CHRNB1: variants seen among roughly 807,000 people sequenced by gnomAD.
The protein encoded by CHRNB1 is cholinergic receptor nicotinic beta 1 subunit, also known as acetylcholine receptor subunit beta.
CHRNB1 carries 47 observed loss-of-function variants against 53.8 expected under a neutral mutation model. The observed-to-expected ratio is 0.87, with a 90% confidence interval of 0.69 to 1.11. The LOEUF is 1.11. Ranked by LOEUF, CHRNB1 falls within the 50% of genes most tolerant of loss-of-function variation. The pLI is 0.00. For missense variants in CHRNB1, 605 were observed against 654.9 expected (o/e 0.92, Z 0.83); for synonymous variants, 259 against 263.5 (o/e 0.98, Z 0.16).
At chr17:7,448,989 C>A (rs1419938168) in intron 7 of CHRNB1, among the ~76,000 whole-genome samples, 1 of 152,128 alleles carries the variant, frequency 6.6e-6, no homozygotes, top group African/African-American at 2.4e-5. Flanking sequence ...GGAGTCCTAG[C>A]CTCTAATCCA....
Position 7,445,132 on chromosome 17 carries a change from C to T in CHRNB1, c.5C>T (p.Thr2Ile), listed in dbSNP as rs567015720. The stretch of plus-strand genomic sequence containing the variant: ...CACTGAGCGAGCCGCCAGGCTATGA[C>T]CCCAGGGGCTCTGCTGATGCTGCTG... The part of the protein sequence containing the change: M[T>I]PGALLMLLGA... Residue 2 changes from threonine to isoleucine, a missense_variant, in exon 1 of 11, where the codon ACC becomes ATC. Thr to Ile is a moderately conservative substitution (Grantham distance 89). Transcript: ENST00000306071. This position sits in a 1 kb window ranked among gnomAD's most constrained non-coding sequence, Gnocchi z 5.7. The T allele has an allele frequency of 3.7e-6, 6 of 1,608,516 alleles. No individual in the cohort carries two copies. The East Asian group carries it at 8.9e-5, about 24-fold the overall frequency.
Position 7,445,768 on chromosome 17 carries a change from T to G in CHRNB1, c.199-301T>G, listed in dbSNP as rs991832054. 3.0e-5 allele frequency: 20 copies of G among 658,558 alleles called. No homozygotes were observed. The highest frequency in any genetic ancestry group is 4.3e-5 in the Non-Finnish European group (17 of 396,946). 40.8% of individuals were successfully genotyped at this position (658,558 alleles called of 1,614,324 possible). ...TCAGGGGTCAATAAATGGCAGCGGG[T>G]GGAGGTTCGGGGCTGGGTGGATTAT... On this transcript the variant is annotated intron_variant, in intron 2 of 10. Transcript: ENST00000306071. The surrounding 1 kb of genome is among the most constrained non-coding windows in gnomAD (Gnocchi z 5.7).
In CHRNB1 at chr17:7,447,556, C is replaced by G. The variant is rs201033437; in HGVS notation, c.516C>G (p.Tyr172Ter). Reference protein sequence around the residue: ...WQNCTMVFSSYSYDSSEVSLQ... With the variant: ...WQNCTMVFSS ...ATTGCACTATGGTGTTCAGCTCCTA[C>G]AGCTACGACAGCTCGGAGGTCAGCC... The change falls in exon 6 of 11, where the codon TAC (tyrosine) becomes TAG (stop). Residue 172 changes from tyrosine to a stop codon, truncating the protein, a stop_gained. Transcript: ENST00000306071. LOFTEE classifies it high-confidence loss of function. 6.1e-5 allele frequency: 99 copies of G among 1,614,102 alleles called. No individual in the cohort carries two copies. The highest frequency in any genetic ancestry group is 8.0e-5 in the Non-Finnish European group (94 of 1,180,060).
In CHRNB1 at chr17:7,447,610, A is replaced by G; in HGVS notation, c.570A>G (p.Gln190=). 6.2e-7 allele frequency: 1 copy of G among 1,614,188 alleles called. No individual in the cohort carries two copies. The change falls in exon 6 of 11, where the codon CAA becomes CAG. Residue 190 remains glutamine, a synonymous_variant. Coordinates refer to ENST00000306071, the MANE Select transcript of CHRNB1 (RefSeq NM_000747.3). ...SLQTGLGPDG[Q]GHQEIHIHEG... is the part of the protein sequence containing the mutation. ...AGACAGGCCTGGGTCCTGACGGGCA[A>G]GGGCATCAGGAAATCCACATTCATG...
rs185103137 is a variant in CHRNB1, at chr17:7,449,153, G to A, written c.820+365G>A. 3.7e-3 allele frequency among the ~76,000 whole-genome samples: 549 copies of A among 149,796 alleles called. 2 individuals are homozygous for A. Among genetic ancestry groups the A allele is most frequent in the African/African-American group, 0.013 (521 of 40,498 alleles). ...GAGTCTCACTCTGTCACCCAGACTGGAGTGCAGTGGTGCAATCTCGGCTCA... is the reference window on the plus strand; with the variant it reads ...GAGTCTCACTCTGTCACCCAGACTGAAGTGCAGTGGTGCAATCTCGGCTCA... On this transcript the variant is annotated intron_variant, in intron 7 of 10. Coordinates refer to ENST00000306071, the MANE Select transcript of CHRNB1 (RefSeq NM_000747.3).
At position 7,446,327 on chromosome 17, in the gene CHRNB1, CTGTGTGTGTGTGTG is replaced by C. The variant is rs58239884; in HGVS notation, c.243+247_243+260del. On this transcript the variant is annotated intron_variant, in intron 3 of 10. Coordinates refer to ENST00000306071, the MANE Select transcript of CHRNB1 (RefSeq NM_000747.3). ...TTTGTGTGTGTGTGTGTGTGTGTGT[CTGTGTGTGTGTGTG>C]TGTGTGTGTGTGTGTGTGTGTGTGT... is the stretch of plus-strand genomic sequence containing the variant. 198 of 234,972 alleles carry C rather than the reference CTGTGTGTGTGTGTG, an allele frequency of 8.4e-4. 1 individual carries two copies. The highest frequency in any genetic ancestry group is 2.7e-3 in the African/African-American group (97 of 35,578). The allele number at this position is 234,972 out of a possible 1,614,324, so 14.6% of individuals were successfully genotyped here. A position where few individuals can be genotyped will look rare whatever the true frequency, so the allele number is the denominator to read the frequency against.
chr17:7,451,798 G>A (rs894419077), intron 7 of CHRNB1, among the ~76,000 whole-genome samples: 22 of 152,100 alleles, frequency 1.4e-4, no homozygotes, highest in African/African-American at 4.3e-4. Flanking sequence ...GGCCCTCCAG[G>A]GCCTGGAGCA....
rs1161023525 is a variant in CHRNB1, at chr17:7,457,491, A to G, written c.*768A>G. 1 of 152,150 alleles carries G rather than the reference A, an allele frequency of 6.6e-6. No homozygotes were observed. The highest frequency in any genetic ancestry group is 1.5e-5 in the Non-Finnish European group (1 of 68,034). The allele number at this position is 152,150 out of a possible 1,614,324, so 9.4% of individuals were successfully genotyped here. Reference sequence around the variant, plus strand: ...GTCGCTCAGGCCAGTAATCCCAGTGACTTAGGAGGCTGAGGTGGGAGGATT... The same window carrying G: ...GTCGCTCAGGCCAGTAATCCCAGTGGCTTAGGAGGCTGAGGTGGGAGGATT... On this transcript the variant is annotated 3_prime_UTR_variant, in exon 11 of 11. Coordinates refer to ENST00000306071, the MANE Select transcript of CHRNB1 (RefSeq NM_000747.3).
At chr17:7,454,923 C>T (rs1172503157) in intron 8 of CHRNB1, among the ~76,000 whole-genome samples, 1 of 150,980 alleles carries the variant, frequency 6.6e-6, no homozygotes, top group Non-Finnish European at 1.5e-5. Context: ...CTGCCTGAGC[C>T]TCCCAAGTAG....
At chr17:7,452,005 G>T (rs1908905233) in intron 7 of CHRNB1, among the ~76,000 whole-genome samples, 1 of 152,004 alleles carries the variant, frequency 6.6e-6, no homozygotes, top group African/African-American at 2.4e-5. Context: ...CCACTGGAAG[G>T]TTCTGGAAAG....
chr17:7,450,087 A>G (rs1908831210), intron 7 of CHRNB1, among the ~76,000 whole-genome samples: 1 of 147,462 alleles, frequency 6.8e-6, no homozygotes, highest in Non-Finnish European at 1.5e-5. Context: ...AAATAATAGT[A>G]ATAGTCAACA....
chr17:7,450,645 T>C (rs968292532), intron 7 of CHRNB1, among the ~76,000 whole-genome samples: 1 of 152,238 alleles, frequency 6.6e-6, no homozygotes, highest in Non-Finnish European at 1.5e-5. Context: ...TCATTTAACA[T>C]GGTACATGTA....
At chr17:7,454,056 G>A (rs1908983455) in intron 7 of CHRNB1, among the ~76,000 whole-genome samples, 1 of 151,984 alleles carries the variant, frequency 6.6e-6, no homozygotes, top group African/African-American at 2.4e-5. Flanking sequence ...GCAAGACCCA[G>A]CCTCAAATTT....
At chr17:7,451,005 G>A (rs1334807846) in intron 7 of CHRNB1, among the ~76,000 whole-genome samples, 2 of 152,166 alleles carry the variant, frequency 1.3e-5, no homozygotes, top group Non-Finnish European at 2.9e-5. Context: ...GAAACAGAAA[G>A]GAGGCCAGTA....
intron 7 of CHRNB1, among the ~76,000 whole-genome samples, chr17:7,449,402 C>CTTTT (rs769505757): frequency 9.0e-5 from 8 of 89,100 alleles, no homozygotes; most frequent in Non-Finnish European, 1.4e-4. Context: ...AGGGCCCGAC[C>CTTTT]TTTTTTTTTT....
At chr17:7,448,074 CAAAAAAAAA>C (rs71157286) in intron 6 of CHRNB1, among the ~76,000 whole-genome samples, 3 of 16,698 alleles carry the variant, frequency 1.8e-4, no homozygotes, top group African/African-American at 3.7e-4. Context: ...AAGTTCGTCT[CAAAAAAAAA>C]AAAAAAAAAA....
intron 9 of CHRNB1, 113 bp downstream of exon 9, chr17:7,455,569 G>C (rs1474767482): frequency 7.3e-7 from 1 of 1,364,696 alleles, no homozygotes; most frequent in African/African-American, 1.4e-5. Context: ...TGAGCATCAT[G>C]GGAGTTGTAG....
rs775849224 is a variant in CHRNB1 at position 7,445,394 on chromosome 17, G to T, written c.183G>T (p.Ala61=). 6.2e-6 allele frequency: 10 copies of T among 1,612,050 alleles called. No individual in the cohort carries two copies. The highest frequency in any genetic ancestry group is 1.7e-4 in the Middle Eastern group (1 of 6,048). ...RVRVSVGLIL[A]QLISLNEKDE... ...GGGTCAGCGTTGGTCTCATCCTGGC[G>T]CAACTCATCAGCCTGGTGAGGGCGC... Residue 61 remains alanine (A), a synonymous_variant, in exon 2 of 11, where the codon GCG becomes GCT. Coordinates refer to ENST00000306071, the MANE Select transcript of CHRNB1 (RefSeq NM_000747.3). This position sits in a 1 kb window ranked among gnomAD's most constrained non-coding sequence, Gnocchi z 5.7.
chr17:7,448,690 T>A lies in CHRNB1; in HGVS notation c.722T>A (p.Ile241Asn), dbSNP rs895791816. 6.2e-7 allele frequency: 1 copy of A among 1,614,174 alleles called. No homozygotes were observed. Among genetic ancestry groups the A allele is most frequent in the Admixed American group, 1.7e-5 (1 of 60,022 alleles). Reference sequence around the variant, plus strand: ...CAGGAAGTCATCTTCTACCTCATCATCCGCCGCAAGCCTCTCTTCTACCTG... The same window carrying A: ...CAGGAAGTCATCTTCTACCTCATCAACCGCCGCAAGCCTCTCTTCTACCTG... ...QRQEVIFYLI[I>N]RRKPLFYLVN... Residue 241 changes from isoleucine to asparagine, a missense_variant, in exon 7 of 11, where the codon ATC (isoleucine) becomes AAC (asparagine). By Grantham distance (149) the Ile-to-Asn change is moderately radical (BLOSUM62 -3). Transcript: ENST00000306071.
Sources: gnomAD v4.1 joint callset for allele counts (sites outside exome capture counted in the v4.1 genomes callset) on GRCh38, gnomAD v4.1.1 for gene constraint, Gnocchi (gnomAD v3.1) non-coding constraint, MANE v1.5 for transcripts, NCBI Gene and HGNC (gene_info 2026-07-23, HGNC 2026-07-21) for gene names.